COLEC10: variants seen among roughly 807,000 people sequenced by gnomAD.
The protein encoded by COLEC10 is collectin subfamily member 10.
In COLEC10, 22 loss-of-function variants were observed where a neutral mutation model predicts 28.4. The observed-to-expected ratio is 0.78, with a 90% CI of 0.55 to 1.11. The LOEUF is 1.11. Among genes scored for constraint, COLEC10 ranks in the 50% least tolerant of loss-of-function variants. The pLI is 0.00. For synonymous variants in COLEC10, 125 were observed against 116.1 expected (o/e 1.08, Z -0.49); for missense variants, 361 against 344.1 (o/e 1.05, Z -0.39).
intron 2 of COLEC10, among the ~76,000 whole-genome samples, chr8:119,044,917 G>A (rs1006755152): frequency 1.3e-5 from 2 of 151,608 alleles, no homozygotes; most frequent in South Asian, 2.1e-4. Context: ...GTCTTAAGGC[G>A]AGTTGGTATA....
chr8:119,036,111 A>C (rs1350100523), intron 2 of COLEC10, among the ~76,000 whole-genome samples: 1 of 152,218 alleles, frequency 6.6e-6, no homozygotes, highest in African/African-American at 2.4e-5. Context: ...AAACAGACAC[A>C]GAGTGTTAAA....
intron 1 of COLEC10, among the ~76,000 whole-genome samples, chr8:119,069,402 C>G (rs917972269): frequency 2.0e-5 from 3 of 151,258 alleles, no homozygotes; most frequent in African/African-American, 7.3e-5. Context: ...TGAGACCAGC[C>G]TGGGTGACAT....
At chr8:118,954,986 T>C in the COLEC10 span, among the ~76,000 whole-genome samples, 1 of 152,292 alleles carries the variant, frequency 6.6e-6, no homozygotes, top group African/African-American at 2.4e-5. Flanking sequence ...GTCTAAAACA[T>C]CTTGTGCCTA....
chr8:119,029,839 G>A lies in COLEC10; in HGVS notation n.235+20286G>A, dbSNP rs147042094. 7.6e-4 allele frequency among the ~76,000 whole-genome samples: 115 copies of A among 152,310 alleles called. No individual in the cohort carries two copies. The East Asian group carries it at 0.021, about 28-fold the overall frequency. The stretch of plus-strand genomic sequence containing the variant: ...ATTCTCCATGCCCTTGTTAATTGAT[G>A]GGAAATCTTTGTGGTCCCTTTAGCT... On this transcript the variant is annotated intron_variant and non_coding_transcript_variant, in intron 2 of 6. Transcript: ENST00000521788.
chr8:119,077,243 A>AGTTT (rs1815257677), intron 1 of COLEC10, among the ~76,000 whole-genome samples: 2 of 90,292 alleles, frequency 2.2e-5, no homozygotes, highest in Non-Finnish European at 4.3e-5. Flanking sequence ...GTAGAGAATG[A>AGTTT]TTTTTTTTTT....
chr8:119,102,246 CCTT>C, intron 3 of COLEC10, 99 bp from the exon 4 acceptor site: 1 of 264,950 alleles, frequency 3.8e-6, no homozygotes, highest in Non-Finnish European at 6.8e-6. Flanking sequence ...CTCCCTCCTT[CCTT>C]CTTTTCCTTC....
chr8:119,108,192 G>C lies in COLEC10; in HGVS notation c.*2001G>C, dbSNP rs1815991488. On this transcript the variant is annotated 3_prime_UTR_variant, in exon 6 of 6. Coordinates refer to ENST00000332843, the MANE Select transcript of COLEC10 (RefSeq NM_006438.5). ...AAAGCTTAATAAAAATTACAAAGTA[G>C]GACATCAAACGCCAGTATCCTTGGA... 6.6e-6 allele frequency among the ~76,000 whole-genome samples: 1 copy of C among 152,132 alleles called. No homozygotes were observed. The highest frequency in any genetic ancestry group is 6.6e-5 in the Admixed American group (1 of 15,264).
intron 1 of COLEC10, among the ~76,000 whole-genome samples, chr8:119,087,336 G>A (rs139800636): frequency 2.6e-3 from 396 of 152,254 alleles, no homozygotes; most frequent in African/African-American, 9.2e-3. Flanking sequence ...TTATTTTTAA[G>A]CAACAAAGGT....
At chr8:119,102,561 C>T (rs1815858666) in intron 4 of COLEC10, 160 bp downstream of exon 4, 2 of 591,718 alleles carry the variant, frequency 3.4e-6, no homozygotes, top group Non-Finnish European at 5.7e-6. Context: ...TTTCCTGTCT[C>T]CCTGCTGGTG....
intron 5 of COLEC10, 80 bp downstream of exon 5, chr8:119,103,975 A>G: frequency 9.9e-7 from 1 of 1,011,050 alleles, no homozygotes; most frequent in Non-Finnish European, 1.6e-6. Flanking sequence ...TTAGATGGAA[A>G]TATCTTGAGT....
intron 1 of COLEC10, among the ~76,000 whole-genome samples, chr8:119,077,243 A>ATTTTTTTTTTTTTTTTTTTTTTT: frequency 1.1e-5 from 1 of 90,292 alleles, no homozygotes; most frequent in Non-Finnish European, 2.1e-5. Flanking sequence ...GTAGAGAATG[A>ATTTTTTTTTTTTTTTTTTTTTTT]TTTTTTTTTT....
At chr8:119,048,382 A>G (rs975754185) in intron 2 of COLEC10, among the ~76,000 whole-genome samples, 1 of 152,190 alleles carries the variant, frequency 6.6e-6, no homozygotes, top group South Asian at 2.1e-4. Flanking sequence ...TCAAGTGTCA[A>G]GTTTAAATCC....
intron 2 of COLEC10, among the ~76,000 whole-genome samples, chr8:119,012,271 A>T (rs1813912567): frequency 6.6e-6 from 1 of 150,968 alleles, no homozygotes; most frequent in South Asian, 2.1e-4. Context: ...GGATTACATT[A>T]ACTAATTTTT....
intron 1 of COLEC10, among the ~76,000 whole-genome samples, chr8:119,083,815 T>C (rs1815414226): frequency 1.3e-5 from 2 of 152,090 alleles, no homozygotes; most frequent in Admixed American, 1.3e-4. Context: ...TACGTTAAAA[T>C]GTAAGTATAA....
chr8:119,045,477 C>G (rs942343225), intron 2 of COLEC10, among the ~76,000 whole-genome samples: 4 of 151,918 alleles, frequency 2.6e-5, no homozygotes, highest in Non-Finnish European at 5.9e-5. Context: ...TATAACTTTA[C>G]TTGATGACAT....
chr8:118,985,942 T>C, the COLEC10 span, among the ~76,000 whole-genome samples: 1 of 152,052 alleles, frequency 6.6e-6, no homozygotes, highest in Non-Finnish European at 1.5e-5. Flanking sequence ...CAATCAGTTA[T>C]GCCAAGCAGT....
intron 2 of COLEC10, among the ~76,000 whole-genome samples, chr8:119,049,297 C>T (rs948818848): frequency 1.3e-5 from 2 of 149,432 alleles, no homozygotes; most frequent in African/African-American, 4.9e-5. Flanking sequence ...TTCTCAAACT[C>T]AAACATTAAG....
the COLEC10 span, among the ~76,000 whole-genome samples, chr8:118,979,527 G>GT: frequency 8.6e-5 from 13 of 150,974 alleles, no homozygotes; most frequent in Non-Finnish European, 1.5e-4. Flanking sequence ...TTTGTTTTCA[G>GT]TTTTTTTTCA....
At chr8:119,099,308 C>A (rs16892010) in intron 3 of COLEC10, among the ~76,000 whole-genome samples, 4,855 of 152,070 alleles carry the variant, frequency 0.032, 135 homozygotes, top group South Asian at 0.11. Context: ...ACTTGGCATG[C>A]ATTCCTTTAC....
Sources: allele counts gnomAD v4.1 joint callset (sites outside exome capture counted in the v4.1 genomes callset), GRCh38; gene constraint gnomAD v4.1.1; transcripts MANE v1.5; gene names NCBI Gene and HGNC (gene_info 2026-07-23, HGNC 2026-07-21).